The following C8orf34 variants were observed in gnomAD, a reference collection of about 807,000 sequenced individuals.
C8orf34 encodes uncharacterized protein C8orf34.
C8orf34 carries 65 observed loss-of-function variants against 68.3 expected under a neutral mutation model. The ratio of observed to expected loss-of-function variants is 0.95; its 90% CI spans 0.78 to 1.17. The LOEUF is 1.17. C8orf34 is among the 50% of genes most tolerant of loss of function. The pLI, the probability that C8orf34 is intolerant of heterozygous loss-of-function variation, is 0.00. For synonymous variants in C8orf34, 244 were observed against 241.2 expected, an observed-to-expected ratio of 1.01 and a Z score of -0.11; for missense variants, 664 against 655.4, an observed-to-expected ratio of 1.01 and a Z score of -0.14.
chr8:68,815,654 T>C (rs1422927365), intron 12 of C8orf34, among the ~76,000 whole-genome samples: 3 of 152,124 alleles, frequency 2.0e-5, no homozygotes, highest in Non-Finnish European at 2.9e-5. Context: ...TTACATTTTA[T>C]TGGAAAAATT....
Position 68,398,644 on chromosome 8 carries a change from C to T in C8orf34, c.328-40855C>T, listed in dbSNP as rs189058939. Among the ~76,000 whole-genome samples the T allele has an allele frequency of 7.1e-3, 1,087 of 152,166 alleles. 5 individuals are homozygous for T. The highest frequency in any genetic ancestry group is 0.011 in the Non-Finnish European group (757 of 67,988). ...ATTATGTGGTACATATTATGTTGTA[C>T]ACTTTAACTTATACACTAAAAAACT... On this transcript the variant is annotated intron_variant, in intron 1 of 13. Coordinates refer to ENST00000518698, the MANE Select transcript of C8orf34 (RefSeq NM_052958.4).
At chr8:68,394,780 A>C (rs910007491) in intron 1 of C8orf34, among the ~76,000 whole-genome samples, 6 of 152,076 alleles carry the variant, frequency 3.9e-5, no homozygotes, top group African/African-American at 1.4e-4. Flanking sequence ...TCTAGTGGCC[A>C]CCATTAGTGA....
rs1824886053 is a variant in C8orf34, at chr8:68,818,482, A to G, written c.*236A>G. The stretch of plus-strand genomic sequence containing the variant: ...AGGCCGGCTGCCTTTTGACATGGTT[A>G]GAGTCCTGGGTTTAGATTACTTTAT... On this transcript the variant is annotated 3_prime_UTR_variant, in exon 14 of 14. Transcript: ENST00000518698. 2.0e-6 allele frequency: 1 copy of G among 492,402 alleles called. No homozygotes were observed. Among genetic ancestry groups the G allele is most frequent in the Non-Finnish European group, 3.7e-6 (1 of 273,004 alleles). 30.5% of individuals were successfully genotyped at this position (492,402 alleles called of 1,614,324 possible).
chr8:68,331,849 G>A (rs1805624245), intron 1 of C8orf34, among the ~76,000 whole-genome samples: 1 of 123,896 alleles, frequency 8.1e-6, no homozygotes, highest in Admixed American at 9.5e-5. Context: ...AGGTGGAGGA[G>A]GTGCTTAGCA....
intron 7 of C8orf34, among the ~76,000 whole-genome samples, chr8:68,542,318 A>C (rs1265918779): frequency 6.6e-6 from 1 of 152,242 alleles, no homozygotes; most frequent in Non-Finnish European, 1.5e-5. Flanking sequence ...CTCACAATAC[A>C]GAGAATCCAC....
At chr8:68,580,402 T>C (rs1183234208) in intron 7 of C8orf34, among the ~76,000 whole-genome samples, 1 of 152,160 alleles carries the variant, frequency 6.6e-6, no homozygotes, top group East Asian at 1.9e-4. Context: ...TAGTTGTTTA[T>C]ATTATACTAA....
chr8:68,588,808 T>C (rs921792238), intron 7 of C8orf34, among the ~76,000 whole-genome samples: 4 of 152,150 alleles, frequency 2.6e-5, no homozygotes, highest in African/African-American at 9.7e-5. Flanking sequence ...AGACTAAAAG[T>C]TAGTCCTCTC....
In C8orf34 at chr8:68,536,358, CAAAAAAAAAAA is replaced by C. The variant is rs10696903; in HGVS notation, c.1105+3224_1105+3234del. Among the ~76,000 whole-genome samples, 52 of 49,234 alleles carry C rather than the reference CAAAAAAAAAAA, an allele frequency of 1.1e-3. 1 individual carries two copies. In the South Asian group the frequency reaches 0.013, roughly 12 times the overall value. 32.3% of individuals were successfully genotyped at this position (49,234 alleles called of 152,430 possible). A position where few individuals can be genotyped will look rare whatever the true frequency, so the allele number is the denominator to read the frequency against. On this transcript the variant is annotated intron_variant, in intron 7 of 13. Transcript: ENST00000518698. ...TGGGTGACAGAGGGAGACCCTATCT[CAAAAAAAAAAA>C]AAAAAAAAAAAAAAGAAGAAAAAGA...
intron 6 of C8orf34, chr8:68,525,769 AGT>A (rs1430802989): frequency 5.2e-6 from 3 of 573,376 alleles, no homozygotes; most frequent in Admixed American, 2.0e-5. Flanking sequence ...TAGATTCACC[AGT>A]GTAGCCATGC....
At chr8:68,462,761 A>T (rs192855553) in intron 3 of C8orf34, among the ~76,000 whole-genome samples, 4 of 152,268 alleles carry the variant, frequency 2.6e-5, no homozygotes, top group East Asian at 1.9e-4. Context: ...AAGACACAAC[A>T]TACCAGAATC....
At chr8:68,404,324 T>C (rs1586065532) in intron 1 of C8orf34, among the ~76,000 whole-genome samples, 1 of 152,196 alleles carries the variant, frequency 6.6e-6, no homozygotes, top group East Asian at 1.9e-4. Flanking sequence ...TTCTGTAAGT[T>C]GCCTGTTCAC....
At position 68,818,386 on chromosome 8, in the gene C8orf34, C is replaced by A. The variant is rs1410675336; in HGVS notation, c.*140C>A. 13 of 975,118 alleles carry A rather than the reference C, an allele frequency of 1.3e-5. No homozygotes were observed. Among genetic ancestry groups the A allele is most frequent in the Admixed American group, 2.1e-5 (1 of 46,848 alleles). The allele number at this position is 975,118 out of a possible 1,614,324, so 60.4% of individuals were successfully genotyped here. ...AATCTCAATAATAAACAAGTACTAT[C>A]GTAGCCAGGGGGTGCCCAAGTATGT... On this transcript the variant is annotated 3_prime_UTR_variant, in exon 14 of 14. Transcript: ENST00000518698.
chr8:68,518,605 T>G (rs542196575), intron 5 of C8orf34, among the ~76,000 whole-genome samples: 1 of 152,110 alleles, frequency 6.6e-6, no homozygotes, highest in Non-Finnish European at 1.5e-5. Flanking sequence ...TGATTTAGCC[T>G]TAAAATTTGT....
rs111600187 is a variant in C8orf34 at position 68,752,790 on chromosome 8, A to T, written c.1405-23609A>T. 5.4e-3 allele frequency among the ~76,000 whole-genome samples: 822 copies of T among 152,288 alleles called. 9 individuals carry two copies. Among genetic ancestry groups the T allele is most frequent in the African/African-American group, 0.018 (731 of 41,568 alleles). On this transcript the variant is annotated intron_variant, in intron 10 of 13. Transcript: ENST00000518698. ...AATTAATGTGGGGAATTTTTCTCCC[A>T]TTCTTGTATAAAATAGCGGTGGAAT...
chr8:68,671,570 A>C (rs1043976152), intron 8 of C8orf34, among the ~76,000 whole-genome samples: 1 of 152,236 alleles, frequency 6.6e-6, no homozygotes, highest in Non-Finnish European at 1.5e-5. Flanking sequence ...GGAATGCTGA[A>C]TTCAGAAGAG....
At chr8:68,369,091 C>T (rs1283161106) in intron 1 of C8orf34, among the ~76,000 whole-genome samples, 1 of 152,182 alleles carries the variant, frequency 6.6e-6, no homozygotes, top group African/African-American at 2.4e-5. Context: ...ATTCTATCTT[C>T]TTTTGGTTCA....
At chr8:68,722,358 G>A (rs1821700667) in intron 10 of C8orf34, among the ~76,000 whole-genome samples, 1 of 151,918 alleles carries the variant, frequency 6.6e-6, no homozygotes, top group Non-Finnish European at 1.5e-5. Flanking sequence ...ATCTCCAAAT[G>A]CATTCTGAGG....
rs989934330 is a variant in C8orf34 at position 68,699,082 on chromosome 8, A to G, written c.1242-9912A>G. Among the ~76,000 whole-genome samples, 43 of 152,082 alleles carry G rather than the reference A, an allele frequency of 2.8e-4. 1 individual carries two copies. The highest frequency in any genetic ancestry group is 1.0e-3 in the African/African-American group (42 of 41,528). ...CTAGAAACACAAATTCTTGGGCTCT[A>G]CTTCAGACCTTCTGAATCAGAAAGT... On this transcript the variant is annotated intron_variant, in intron 8 of 13. Transcript: ENST00000518698.
chr8:68,410,990 G>C (rs902642577), intron 1 of C8orf34, among the ~76,000 whole-genome samples: 1 of 152,128 alleles, frequency 6.6e-6, no homozygotes, highest in African/African-American at 2.4e-5. Flanking sequence ...GGTGTCTTAG[G>C]CTGTATCAGC....
Sources: gnomAD v4.1 joint callset for allele counts (sites outside exome capture counted in the v4.1 genomes callset) on GRCh38, gnomAD v4.1.1 for gene constraint, MANE v1.5 for transcripts, NCBI Gene and HGNC (gene_info 2026-07-23, HGNC 2026-07-21) for gene names.